The following NID1 variants were observed in gnomAD, a reference collection of about 807,000 sequenced individuals.
The protein encoded by NID1 is nidogen-1.
Under a neutral mutation model 130.6 loss-of-function variants are expected in NID1, and 76 were observed. That is an observed-to-expected ratio of 0.58 (90% CI 0.48 to 0.70). NID1 has a LOEUF of 0.70. NID1 is among the 30% of genes least tolerant of loss of function. The pLI, the probability that NID1 is intolerant of heterozygous loss-of-function variation, is 0.00. For missense variants in NID1, 1,517 were observed against 1,664.8 expected (o/e 0.91, Z 1.54); for synonymous variants, 665 against 675.1 (o/e 0.98, Z 0.23).
At chr1:236,030,852 G>A (rs1653198807) in intron 6 of NID1, among the ~76,000 whole-genome samples, 1 of 152,168 alleles carries the variant, frequency 6.6e-6, no homozygotes, top group Non-Finnish European at 1.5e-5. Flanking sequence ...CAGCCCAGCT[G>A]AAGTCCATGT....
chr1:236,044,772 T>C (rs1421522971), intron 3 of NID1, among the ~76,000 whole-genome samples: 1 of 152,224 alleles, frequency 6.6e-6, no homozygotes, highest in South Asian at 2.1e-4. Context: ...CAACATAACC[T>C]GAGAGCACCA....
At chr1:236,002,856 A>G (rs975213397) in intron 12 of NID1, among the ~76,000 whole-genome samples, 9 of 152,160 alleles carry the variant, frequency 5.9e-5, no homozygotes, top group Admixed American at 5.2e-4. Context: ...GAGCTTGTCA[A>G]GCCTTTGGGT....
At chr1:236,017,118 C>G in intron 10 of NID1, 30 bp downstream of exon 10, 1 of 1,613,720 alleles carries the variant, frequency 6.2e-7, no homozygotes, top group Middle Eastern at 1.6e-4. Context: ...CATGTGAATA[C>G]TGTTTCGAAA....
chr1:236,012,412 G>C (rs771260204), intron 11 of NID1, among the ~76,000 whole-genome samples: 1 of 152,054 alleles, frequency 6.6e-6, no homozygotes, highest in Non-Finnish European at 1.5e-5. Flanking sequence ...TAAAAAATTA[G>C]CTGGGCATGG....
intron 1 of NID1, among the ~76,000 whole-genome samples, chr1:236,053,562 G>C (rs1269708022): frequency 6.6e-6 from 1 of 152,096 alleles, no homozygotes; most frequent in Non-Finnish European, 1.5e-5. Context: ...TCCAGTGGAA[G>C]CTCCTTCCAC....
chr1:235,986,741 C>T (rs1000169064), intron 14 of NID1, among the ~76,000 whole-genome samples: 4 of 152,186 alleles, frequency 2.6e-5, no homozygotes, highest in East Asian at 1.9e-4. Context: ...AGATTACAGA[C>T]GTAAGCCAGT....
At chr1:236,015,745 C>T (rs2102818993) in intron 10 of NID1, among the ~76,000 whole-genome samples, 1 of 151,820 alleles carries the variant, frequency 6.6e-6, no homozygotes, top group East Asian at 1.9e-4. Context: ...TCCTGAGGCA[C>T]CTCCAAGAGC....
intron 9 of NID1, among the ~76,000 whole-genome samples, chr1:236,018,671 C>G (rs1414499898): frequency 6.6e-6 from 1 of 152,192 alleles, no homozygotes; most frequent in East Asian, 1.9e-4. Context: ...TTTCTAAAAC[C>G]CTGAGATGTG....
intron 19 of NID1, among the ~76,000 whole-genome samples, chr1:235,978,690 C>T (rs1167666144): frequency 6.6e-6 from 1 of 152,148 alleles, no homozygotes. Context: ...GATGGATGGA[C>T]TTTTAAAGGA....
chr1:236,012,093 C>A, intron 11 of NID1, 50 bp from the exon 12 acceptor site: 1 of 1,589,956 alleles, frequency 6.3e-7, no homozygotes. Context: ...TTCTGGAATT[C>A]GTAGTTTACC....
Position 236,024,009 on chromosome 1 carries a change from C to T in NID1, c.2128+61G>A, listed in dbSNP as rs750150886. 3.9e-5 allele frequency: 62 copies of T among 1,596,142 alleles called. 1 individual carries two copies. The highest frequency in any genetic ancestry group is 8.0e-5 in the African/African-American group (6 of 74,670). On this transcript the variant is annotated intron_variant, in intron 9 of 19. Coordinates refer to ENST00000264187, the MANE Select transcript of NID1 (RefSeq NM_002508.3). ...GCACCCAGTTCTCTGGTTTACAGAA[C>T]GTGGATGCCTCCTCCTCGCCTGATT...
intron 15 of NID1, among the ~76,000 whole-genome samples, 189 bp downstream of exon 15, chr1:235,985,190 C>T (rs1328593464): frequency 7.5e-6 from 1 of 134,124 alleles, no homozygotes; most frequent in African/African-American, 3.0e-5. Context: ...GAGACTCTGT[C>T]TCAAAAAAAA....
At chr1:236,001,299 G>T in intron 12 of NID1, among the ~76,000 whole-genome samples, 1 of 152,028 alleles carries the variant, frequency 6.6e-6, no homozygotes, top group East Asian at 1.9e-4. Flanking sequence ...TAGAGACGGG[G>T]TTTCATGATG....
chr1:236,056,319 G>A (rs116340201), intron 1 of NID1, among the ~76,000 whole-genome samples: 1,811 of 152,166 alleles, frequency 0.012, 40 homozygotes, highest in African/African-American at 0.041. Context: ...TTTTGTGTTC[G>A]TGAAGACCCA....
chr1:236,010,565 G>T (rs1431207470), intron 12 of NID1, among the ~76,000 whole-genome samples: 3 of 152,160 alleles, frequency 2.0e-5, no homozygotes, highest in Non-Finnish European at 4.4e-5. Flanking sequence ...CTCCCAAAAT[G>T]CTAGGATTAC....
In NID1 at chr1:236,032,421, T is replaced by G; in HGVS notation, c.1517A>C (p.Lys506Thr). Reference protein sequence around the residue: ...WMFAVEQDGFKNGFSITGGEF... With the variant: ...WMFAVEQDGFTNGFSITGGEF... ...ATTACCGGTGATGCTGAACCCATTC[T>G]TGAATCCGTCCTGCTCCACTGCAAA... Residue 506 changes from lysine (K) to threonine (T), a missense_variant, in exon 6 of 20, where the codon AAG becomes ACG. Transcript: ENST00000264187. 3 of 1,614,078 alleles carry G rather than the reference T, an allele frequency of 1.9e-6. No homozygotes were observed. The highest frequency in any genetic ancestry group is 2.5e-6 in the Non-Finnish European group (3 of 1,180,018).
Position 236,045,761 on chromosome 1 carries a change from A to G in NID1, c.526-78T>C, listed in dbSNP as rs576499239. 15 of 1,172,986 alleles carry G rather than the reference A, an allele frequency of 1.3e-5. No homozygotes were observed. The East Asian group carries it at 3.3e-4, about 26-fold the overall frequency. 72.7% of individuals were successfully genotyped at this position (1,172,986 alleles called of 1,614,324 possible). A position where few individuals can be genotyped will look rare whatever the true frequency, so the allele number is the denominator to read the frequency against. ...AAATGTGTTATTCGCCAGACTATCTATAAAGCGTACAGTGCTATAGAGCGA... is the reference window on the plus strand; with the variant it reads ...AAATGTGTTATTCGCCAGACTATCTGTAAAGCGTACAGTGCTATAGAGCGA... On this transcript the variant is annotated intron_variant, in intron 2 of 19. Coordinates refer to ENST00000264187, the MANE Select transcript of NID1 (RefSeq NM_002508.3).
At chr1:236,003,722 T>A (rs532829688) in intron 12 of NID1, among the ~76,000 whole-genome samples, 196 of 152,126 alleles carry the variant, frequency 1.3e-3, no homozygotes, top group African/African-American at 4.6e-3. Context: ...ATACAAAAAT[T>A]AGCCTGGCTT....
At position 236,011,985 on chromosome 1, in the gene NID1, T is replaced by C; in HGVS notation, c.2463A>G (p.Pro821=). The C allele has an allele frequency of 6.2e-7, 1 of 1,614,204 alleles. No homozygotes were observed. Among genetic ancestry groups the C allele is most frequent in the Non-Finnish European group, 8.5e-7 (1 of 1,180,018 alleles). ...CHPDAFCYNT[P]GSFTCQCKPG... The stretch of plus-strand genomic sequence containing the variant: ...GTTTGCACTGGCACGTGAAAGAGCC[T>C]GGAGTGTTGTAGCAGAAGGCGTCAG... Residue 821 remains proline, a synonymous_variant, in exon 12 of 20, where the codon CCA becomes CCG. Coordinates refer to ENST00000264187, the MANE Select transcript of NID1 (RefSeq NM_002508.3).
Sources: allele counts gnomAD v4.1 joint callset (sites outside exome capture counted in the v4.1 genomes callset), GRCh38; gene constraint gnomAD v4.1.1; transcripts MANE v1.5; gene names NCBI Gene and HGNC (gene_info 2026-07-23, HGNC 2026-07-21).